IFT81: variants seen among roughly 807,000 people sequenced by gnomAD.
IFT81 encodes the protein intraflagellar transport 81.
Under a neutral mutation model 102.6 loss-of-function variants are expected in IFT81, and 72 were observed. The ratio of observed to expected loss-of-function variants is 0.70; its 90% CI spans 0.58 to 0.85. The LOEUF is 0.85. Among genes scored for constraint, IFT81 ranks in the 40% least tolerant of loss-of-function variants. IFT81 has a pLI of 0.00. For missense variants in IFT81, 723 were observed against 787.3 expected (o/e 0.92, Z 0.98); for synonymous variants, 237 against 242.7 (o/e 0.98, Z 0.22).
At chr12:110,179,565 T>C (rs938723515) in intron 11 of IFT81, among the ~76,000 whole-genome samples, 2 of 150,542 alleles carry the variant, frequency 1.3e-5, no homozygotes, top group Admixed American at 1.3e-4. Flanking sequence ...TTACAAAAAA[T>C]GCAAAAATTA....
At chr12:110,132,669 T>G (rs911881857) in intron 5 of IFT81, 33 bp downstream of exon 5, 111 of 1,177,470 alleles carry the variant, frequency 9.4e-5, no homozygotes, top group Non-Finnish European at 1.3e-4. Flanking sequence ...ACAATTTTTT[T>G]GGGATTTGAA....
intron 18 of IFT81, among the ~76,000 whole-genome samples, chr12:110,212,035 T>A (rs1453341867): frequency 6.6e-6 from 1 of 152,200 alleles, no homozygotes; most frequent in Non-Finnish European, 1.5e-5. Context: ...GCTACTGGTA[T>A]GACTCAATAC....
chr12:110,148,350 T>G (rs1895337103), intron 10 of IFT81, among the ~76,000 whole-genome samples: 1 of 152,190 alleles, frequency 6.6e-6, no homozygotes, highest in Admixed American at 6.6e-5. Flanking sequence ...CATACTTTTA[T>G]TTGGAAGTGA....
intron 11 of IFT81, chr12:110,171,910 G>A (rs1389843592): frequency 2.0e-5 from 3 of 152,106 alleles, no homozygotes; most frequent in Admixed American, 1.3e-4. Context: ...ATCTCATCTC[G>A]TGCCTAACTC....
At chr12:110,177,170 C>T (rs1291693049) in intron 11 of IFT81, among the ~76,000 whole-genome samples, 1 of 152,138 alleles carries the variant, frequency 6.6e-6, no homozygotes, top group Non-Finnish European at 1.5e-5. Flanking sequence ...GGGCTGGATT[C>T]CTTAATATTA....
Position 110,135,363 on chromosome 12 carries a change from A to G in IFT81, c.622A>G (p.Ile208Val). The G allele has an allele frequency of 6.2e-7, 1 of 1,613,478 alleles. No individual in the cohort carries two copies. Among genetic ancestry groups the G allele is most frequent in the Non-Finnish European group, 8.5e-7 (1 of 1,179,644 alleles). ...TCAGAATCATCAATGGATGCTTAAA[A>G]TAGCAAGGCAACTTCGAGTTGAAAA... ...TAQNHQWMLK[I>V]ARQLRVEKER... Residue 208 changes from isoleucine (I) to valine (V), a missense_variant, in exon 7 of 19, where the codon ATA becomes GTA. By Grantham distance (29) the Ile-to-Val change is conservative. Coordinates refer to ENST00000242591, the MANE Select transcript of IFT81 (RefSeq NM_014055.4).
At chr12:110,203,032 G>A (rs910457533) in intron 14 of IFT81, among the ~76,000 whole-genome samples, 2 of 152,064 alleles carry the variant, frequency 1.3e-5, no homozygotes, top group Admixed American at 6.6e-5. Context: ...TTGGGAGGCC[G>A]AGGTAGGTGG....
At chr12:110,182,333 C>T (rs889622547) in intron 12 of IFT81, among the ~76,000 whole-genome samples, 20 of 152,280 alleles carry the variant, frequency 1.3e-4, no homozygotes, top group African/African-American at 4.6e-4. Flanking sequence ...CAAATGGAAA[C>T]TCTCATTGCT....
chr12:110,184,703 A>G (rs1158665755), intron 12 of IFT81, among the ~76,000 whole-genome samples: 1 of 152,212 alleles, frequency 6.6e-6, no homozygotes, highest in East Asian at 1.9e-4. Context: ...AATAGCCTCA[A>G]ACTTCAACAC....
intron 14 of IFT81, among the ~76,000 whole-genome samples, chr12:110,197,869 C>G (rs1029902453): frequency 2.0e-5 from 3 of 152,076 alleles, no homozygotes; most frequent in South Asian, 4.2e-4. Context: ...TGCACCACCA[C>G]ACCCGGCTAA....
intron 11 of IFT81, among the ~76,000 whole-genome samples, chr12:110,167,490 A>G (rs1188790911): frequency 1.3e-5 from 2 of 152,232 alleles, no homozygotes; most frequent in African/African-American, 4.8e-5. Flanking sequence ...CATTTAGTTT[A>G]GAGATTACAC....
intron 14 of IFT81, among the ~76,000 whole-genome samples, chr12:110,197,384 T>C (rs1898053268): frequency 6.6e-6 from 1 of 151,760 alleles, no homozygotes. Flanking sequence ...ACTCTAATTT[T>C]TGAAGCATTT....
intron 11 of IFT81, among the ~76,000 whole-genome samples, chr12:110,166,091 A>G: frequency 6.6e-6 from 1 of 152,168 alleles, no homozygotes; most frequent in East Asian, 1.9e-4. Context: ...TAAAATGTGA[A>G]TGTTTGTAGT....
chr12:110,186,847 A>G (rs1047293469), intron 12 of IFT81, among the ~76,000 whole-genome samples: 2 of 152,140 alleles, frequency 1.3e-5, no homozygotes, highest in Non-Finnish European at 2.9e-5. Flanking sequence ...TTCAATTATT[A>G]CTACAATCTC....
chr12:110,162,012 C>T (rs1169212046), intron 10 of IFT81, among the ~76,000 whole-genome samples: 1 of 152,194 alleles, frequency 6.6e-6, no homozygotes, highest in Non-Finnish European at 1.5e-5. Context: ...ATATAAAATG[C>T]TGCTAAGAGT....
chr12:110,182,699 A>G (rs1457824339), intron 12 of IFT81, among the ~76,000 whole-genome samples: 1 of 152,164 alleles, frequency 6.6e-6, no homozygotes, highest in East Asian at 1.9e-4. Context: ...GAGAAGCTCA[A>G]GTGACCAGAT....
chr12:110,188,326 C>T (rs1231410467), intron 12 of IFT81, among the ~76,000 whole-genome samples: 7 of 149,146 alleles, frequency 4.7e-5, no homozygotes, highest in East Asian at 2.0e-4. Flanking sequence ...AGCAAGACTC[C>T]GTCTCAAAAA....
At chr12:110,191,609 A>ATT (rs1405273349) in intron 13 of IFT81, among the ~76,000 whole-genome samples, 1 of 151,926 alleles carries the variant, frequency 6.6e-6, no homozygotes, top group Admixed American at 6.6e-5. Context: ...AGAAAAATAA[A>ATT]TTTTCCCAGG....
chr12:110,125,087 T>A (rs1267208055), intron 1 of IFT81, among the ~76,000 whole-genome samples: 1 of 152,216 alleles, frequency 6.6e-6, no homozygotes, highest in Non-Finnish European at 1.5e-5. Flanking sequence ...TCCAGATTTT[T>A]TTTTAAGGGA....
Sources: gnomAD v4.1 joint callset for allele counts (sites outside exome capture counted in the v4.1 genomes callset) on GRCh38, gnomAD v4.1.1 for gene constraint, MANE v1.5 for transcripts, NCBI Gene and HGNC (gene_info 2026-07-23, HGNC 2026-07-21) for gene names.